Variants in TTC6 observed in about 807,000 individuals in gnomAD.
TTC6 encodes the protein tetratricopeptide repeat protein 6.
TTC6 carries 172 observed loss-of-function variants against 210.4 expected under a neutral mutation model. That is an observed-to-expected ratio of 0.82 (90% confidence interval 0.72 to 0.93). The LOEUF (loss-of-function observed/expected upper bound fraction) is 0.93, where lower values mean the gene tolerates loss of function less well. TTC6 is among the 40% of genes least tolerant of loss of function. The pLI is 0.00. For missense variants in TTC6, 2,414 were observed against 2,318.1 expected (o/e 1.04, Z -0.85); for synonymous variants, 804 against 819.6 (o/e 0.98, Z 0.32).
chr14:37,768,616 G>A (rs2096007042), intron 14 of TTC6, among the ~76,000 whole-genome samples: 2 of 151,326 alleles, frequency 1.3e-5, no homozygotes, highest in African/African-American at 4.8e-5. Flanking sequence ...TGTTGTTGGT[G>A]TATAAGAATG....
intron 14 of TTC6, among the ~76,000 whole-genome samples, chr14:37,783,524 T>G (rs2139276686): frequency 6.6e-6 from 1 of 152,088 alleles, no homozygotes; most frequent in East Asian, 1.9e-4. Context: ...TCTTCCTTTT[T>G]TTCTTTATTA....
intron 14 of TTC6, among the ~76,000 whole-genome samples, chr14:37,784,846 G>A (rs1489002074): frequency 1.3e-5 from 2 of 152,126 alleles, no homozygotes; most frequent in African/African-American, 2.4e-5. Context: ...GCATTTGCTT[G>A]TCTGTAAAGG....
In TTC6 at chr14:37,802,196, T is replaced by C. The variant is rs537828451; in HGVS notation, c.4030-2484T>C. 3 of 151,960 alleles carry C rather than the reference T, an allele frequency of 2.0e-5. No individual in the cohort carries two copies. In the South Asian group the frequency reaches 6.3e-4, roughly 32 times the overall value. The allele number at this position is 151,960 out of a possible 1,614,324, so 9.4% of individuals were successfully genotyped here. On this transcript the variant is annotated intron_variant, in intron 20 of 30. Coordinates refer to ENST00000553443, the Ensembl canonical transcript of TTC6. ...ATGGGAGCTGAACAATGAGAACACA[T>C]GGACACAAGGAGGGGAACAACACAC...
chr14:37,635,621 T>G (rs2139361425), intron 1 of TTC6, among the ~76,000 whole-genome samples: 1 of 152,286 alleles, frequency 6.6e-6, no homozygotes, highest in Non-Finnish European at 1.5e-5. Context: ...ATGCATATAT[T>G]AGTTGGGAGG....
chr14:37,673,247 AC>A (rs1176753188), intron 1 of TTC6, among the ~76,000 whole-genome samples: 3 of 152,140 alleles, frequency 2.0e-5, no homozygotes, highest in Non-Finnish European at 4.4e-5. Context: ...GGAGGATTCC[AC>A]AGGCCAGTGC....
At chr14:37,776,534 A>G (rs1381128851) in intron 14 of TTC6, among the ~76,000 whole-genome samples, 1 of 151,866 alleles carries the variant, frequency 6.6e-6, no homozygotes, top group African/African-American at 2.4e-5. Flanking sequence ...TTCCCTTATC[A>G]TTTGCTTGTT....
chr14:37,656,828 T>C (rs2095724455), intron 1 of TTC6, among the ~76,000 whole-genome samples: 1 of 152,144 alleles, frequency 6.6e-6, no homozygotes, highest in Non-Finnish European at 1.5e-5. Context: ...AAGTACCTTC[T>C]TGAAATCTGC....
chr14:37,836,876 C>T (rs1346588059), intron 29 of TTC6, among the ~76,000 whole-genome samples: 1 of 152,130 alleles, frequency 6.6e-6, no homozygotes, highest in South Asian at 2.1e-4. Context: ...AATCTGGCTT[C>T]TTTTATCTTT....
chr14:37,820,020 T>G (rs754238030), intron 26 of TTC6, among the ~76,000 whole-genome samples: 26 of 152,242 alleles, frequency 1.7e-4, no homozygotes, highest in Non-Finnish European at 2.9e-4. Flanking sequence ...CTTAACAATT[T>G]ATATCTCATT....
chr14:37,598,181 A>G lies in TTC6; in HGVS notation c.-235+2173A>G, dbSNP rs902954684. The stretch of plus-strand genomic sequence containing the variant: ...CCATTGGAAACTGTGCTTTGCAAGG[A>G]TTGTGCTGCTCGTTGGAGGAAACCA... On this transcript the variant is annotated intron_variant, in intron 1 of 2. Coordinates refer to the TTC6 transcript ENST00000556845. The surrounding 1 kb of genome is among the most constrained non-coding windows in gnomAD (Gnocchi z 4.9). Among the ~76,000 whole-genome samples, 1 of 152,106 alleles carries G rather than the reference A, an allele frequency of 6.6e-6. No homozygotes were observed.
intron 1 of TTC6, among the ~76,000 whole-genome samples, chr14:37,647,868 G>T (rs1018656758): frequency 6.6e-6 from 1 of 152,080 alleles, no homozygotes; most frequent in African/African-American, 2.4e-5. Flanking sequence ...CCTGGTAGAA[G>T]AGAAAAACCA....
chr14:37,598,739 G>T lies in TTC6; in HGVS notation c.-235+2731G>T, dbSNP rs995452874. ...TCCTATTTAGCAGGACCGCAGGGTTGGCAGACAGCAGGGCCTGGGCCGGCG... is the reference window on the plus strand; with the variant it reads ...TCCTATTTAGCAGGACCGCAGGGTTTGCAGACAGCAGGGCCTGGGCCGGCG... On this transcript the variant is annotated intron_variant, in intron 1 of 2. Coordinates refer to the TTC6 transcript ENST00000556845. The surrounding 1 kb of genome is among the most constrained non-coding windows in gnomAD (Gnocchi z 4.9). Among the ~76,000 whole-genome samples the T allele has an allele frequency of 6.6e-6, 1 of 152,196 alleles. No homozygotes were observed. Among genetic ancestry groups the T allele is most frequent in the Non-Finnish European group, 1.5e-5 (1 of 68,042 alleles).
At chr14:37,839,746 G>A (rs1028318694) in intron 29 of TTC6, among the ~76,000 whole-genome samples, 15 of 152,214 alleles carry the variant, frequency 9.9e-5, no homozygotes, top group Admixed American at 2.6e-4. Flanking sequence ...GTATGGTATC[G>A]CCTAGGTTTT....
At chr14:37,838,072 G>A (rs1346451468) in intron 29 of TTC6, among the ~76,000 whole-genome samples, 3 of 152,162 alleles carry the variant, frequency 2.0e-5, no homozygotes, top group Admixed American at 6.5e-5. Flanking sequence ...TTGGGAAAAA[G>A]TTGAGTGTTA....
intron 14 of TTC6, among the ~76,000 whole-genome samples, chr14:37,784,250 G>T (rs28814379): frequency 6.6e-6 from 1 of 152,102 alleles, no homozygotes; most frequent in Non-Finnish European, 1.5e-5. Flanking sequence ...TATTGTGTGG[G>T]AGTCTAAGTC....
intron 30 of TTC6, 51 bp from the exon 33 acceptor site, chr14:37,842,104 C>CT: frequency 7.1e-7 from 1 of 1,414,160 alleles, no homozygotes; most frequent in African/African-American, 1.5e-5. Context: ...AAAAAAGAGA[C>CT]TATTTTTTGA....
At chr14:37,796,704 T>C (rs1018098931) in intron 19 of TTC6, 83 bp from the exon 22 acceptor site, 393 of 1,276,804 alleles carry the variant, frequency 3.1e-4, no homozygotes, top group Non-Finnish European at 4.2e-4. Context: ...AAAGACAAAT[T>C]ATTGAATTAC....
At chr14:37,638,688 G>T (rs1054171460) in intron 1 of TTC6, among the ~76,000 whole-genome samples, 35 of 152,130 alleles carry the variant, frequency 2.3e-4, no homozygotes, top group African/African-American at 7.5e-4. Context: ...TATCTTGACT[G>T]TATCACTGTT....
chr14:37,737,759 T>A, intron 9 of TTC6, 25 bp downstream of exon 11: 1 of 1,303,902 alleles, frequency 7.7e-7, no homozygotes, highest in Non-Finnish European at 1.0e-6. Context: ...CAGTTTTTAC[T>A]CTCTAAAAGA....
Sources: gnomAD v4.1 joint callset for allele counts (sites outside exome capture counted in the v4.1 genomes callset) on GRCh38, gnomAD v4.1.1 for gene constraint, Gnocchi (gnomAD v3.1) non-coding constraint, MANE v1.5 for transcripts, NCBI Gene and HGNC (gene_info 2026-07-23, HGNC 2026-07-21) for gene names.